The following PRKD1 variants were observed in gnomAD, a reference collection of about 807,000 sequenced individuals.
The protein encoded by PRKD1 is serine/threonine-protein kinase D1.
In PRKD1, 63 loss-of-function variants were observed where a neutral mutation model predicts 95.9. That is an observed-to-expected ratio of 0.66 (90% CI 0.54 to 0.81). The LOEUF (loss-of-function observed/expected upper bound fraction) is 0.81. Among genes scored for constraint, PRKD1 ranks in the 30% least tolerant of loss-of-function variants. The pLI, the probability that PRKD1 is intolerant of heterozygous loss-of-function variation, is 0.00. For synonymous variants in PRKD1, 425 were observed against 423.1 expected (o/e 1.00, Z -0.05); for missense variants, 1,048 against 1,165.3 (o/e 0.90, Z 1.47).
At chr14:29,779,808 C>A (rs1002307794) in intron 1 of PRKD1, among the ~76,000 whole-genome samples, 21 of 151,928 alleles carry the variant, frequency 1.4e-4, no homozygotes, top group African/African-American at 4.8e-4. Context: ...ATATGGAACC[C>A]AAAAAGAGCC....
chr14:29,590,620 TATAAAACAA>T (rs1184753539), intron 16 of PRKD1, among the ~76,000 whole-genome samples: 2 of 152,146 alleles, frequency 1.3e-5, no homozygotes, highest in African/African-American at 2.4e-5. Context: ...TTACAGGTCA[TATAAAACAA>T]AATTAATCAG....
At chr14:29,867,431 G>C (rs1892948909) in intron 1 of PRKD1, among the ~76,000 whole-genome samples, 1 of 152,170 alleles carries the variant, frequency 6.6e-6, no homozygotes, top group Admixed American at 6.6e-5. Flanking sequence ...ACCGTGCAAA[G>C]GCTCAACTGA....
At chr14:29,676,238 G>C (rs185036032) in intron 2 of PRKD1, among the ~76,000 whole-genome samples, 1 of 85,708 alleles carries the variant, frequency 1.2e-5, no homozygotes, top group Non-Finnish European at 2.1e-5. Flanking sequence ...AGATTCCACT[G>C]CTCATCCATT....
At chr14:29,723,110 A>G (rs1885977504) in intron 2 of PRKD1, among the ~76,000 whole-genome samples, 1 of 152,202 alleles carries the variant, frequency 6.6e-6, no homozygotes, top group Admixed American at 6.5e-5. Flanking sequence ...ATAACAAGGA[A>G]TCTGAAGAAT....
chr14:29,839,781 G>T (rs1240802901), intron 1 of PRKD1, among the ~76,000 whole-genome samples: 1 of 152,046 alleles, frequency 6.6e-6, no homozygotes, highest in East Asian at 1.9e-4. Context: ...CAAGGCTTGA[G>T]GCTTGCACCC....
At chr14:29,785,834 AAAAT>A (rs371063911) in intron 1 of PRKD1, among the ~76,000 whole-genome samples, 5 of 150,664 alleles carry the variant, frequency 3.3e-5, no homozygotes, top group Admixed American at 1.3e-4. Flanking sequence ...ATAATAAAAT[AAAAT>A]AAATAAATAA....
chr14:29,760,985 C>T (rs537160629), intron 1 of PRKD1, among the ~76,000 whole-genome samples: 1 of 152,182 alleles, frequency 6.6e-6, no homozygotes, highest in East Asian at 1.9e-4. Flanking sequence ...CTCTGTCACC[C>T]AGGCTGCAGT....
chr14:29,882,784 T>C (rs900630631), intron 1 of PRKD1, among the ~76,000 whole-genome samples: 4 of 152,206 alleles, frequency 2.6e-5, no homozygotes, highest in Non-Finnish European at 5.9e-5. Context: ...AAACTTAGCA[T>C]AACATCCTCA....
chr14:29,718,541 T>C (rs1885734635), intron 2 of PRKD1, among the ~76,000 whole-genome samples: 1 of 152,012 alleles, frequency 6.6e-6, no homozygotes, highest in African/African-American at 2.4e-5. Flanking sequence ...AAGAGAATAT[T>C]AACAATCACA....
chr14:29,865,028 CA>C (rs1250998197), intron 1 of PRKD1, among the ~76,000 whole-genome samples: 1 of 152,244 alleles, frequency 6.6e-6, no homozygotes, highest in East Asian at 1.9e-4. Flanking sequence ...TTCTGAGACA[CA>C]AGTCACATGT....
chr14:29,638,803 T>C lies in PRKD1; in HGVS notation c.798A>G (p.Lys266=), dbSNP rs1248582563. The C allele has an allele frequency of 6.2e-7, 1 of 1,613,964 alleles. No individual in the cohort carries two copies. Among genetic ancestry groups the C allele is most frequent in the Non-Finnish European group, 8.5e-7 (1 of 1,180,000 alleles). ...TGACAAATGTGTGCGGCACTTTAAC[T>C]TTAGACATCAAAATCTTGTCAAGGT... ...PIHLDKILMS[K]VKVPHTFVIH... Residue 266 remains lysine, a synonymous_variant, in exon 5 of 18, where the codon AAA becomes AAG. Coordinates refer to ENST00000331968, the MANE Select transcript of PRKD1 (RefSeq NM_002742.3).
chr14:29,667,536 G>T (rs1441245020), intron 2 of PRKD1, among the ~76,000 whole-genome samples: 1 of 152,104 alleles, frequency 6.6e-6, no homozygotes, highest in Non-Finnish European at 1.5e-5. Flanking sequence ...AAAAAGTGTG[G>T]TTTGGGTGCC....
At chr14:29,817,662 T>C (rs997149947) in intron 1 of PRKD1, among the ~76,000 whole-genome samples, 13 of 152,120 alleles carry the variant, frequency 8.5e-5, no homozygotes, top group African/African-American at 2.9e-4. Context: ...TGAGGTAACC[T>C]GCGGGAGATC....
At chr14:29,625,981 A>G (rs1041155709) in intron 12 of PRKD1, among the ~76,000 whole-genome samples, 1 of 152,144 alleles carries the variant, frequency 6.6e-6, no homozygotes, top group African/African-American at 2.4e-5. Flanking sequence ...AACTTACCAA[A>G]GAGCTTGACA....
At chr14:29,784,782 A>G (rs1797509581) in intron 1 of PRKD1, among the ~76,000 whole-genome samples, 1 of 152,202 alleles carries the variant, frequency 6.6e-6, no homozygotes, top group South Asian at 2.1e-4. Context: ...CCTTTGCTAA[A>G]TTCTCTAACA....
chr14:29,647,409 C>G (rs190294511), intron 4 of PRKD1, among the ~76,000 whole-genome samples: 1 of 152,158 alleles, frequency 6.6e-6, no homozygotes. Context: ...ACATTTCCAC[C>G]GAAGAAGAAA....
chr14:29,685,756 G>GTGTGTA (rs576149061), intron 2 of PRKD1, among the ~76,000 whole-genome samples: 1 of 151,854 alleles, frequency 6.6e-6, no homozygotes, highest in South Asian at 2.1e-4. Context: ...GTGTGTGTGT[G>GTGTGTA]TACAGTCTTT....
At chr14:29,667,938 T>TG (rs1243401154) in intron 2 of PRKD1, among the ~76,000 whole-genome samples, 9 of 152,218 alleles carry the variant, frequency 5.9e-5, no homozygotes, top group African/African-American at 1.9e-4. Flanking sequence ...TTTGTTTTTT[T>TG]TTTTTCTTTC....
chr14:29,737,818 A>G (rs1886801137), intron 1 of PRKD1, among the ~76,000 whole-genome samples: 1 of 152,262 alleles, frequency 6.6e-6, no homozygotes, highest in African/African-American at 2.4e-5. Context: ...CAAGACAGCA[A>G]TCATAAACTT....
Sources: gnomAD v4.1 joint callset for allele counts (sites outside exome capture counted in the v4.1 genomes callset) on GRCh38, gnomAD v4.1.1 for gene constraint, MANE v1.5 for transcripts, NCBI Gene and HGNC (gene_info 2026-07-23, HGNC 2026-07-21) for gene names.